The following IL19 variants were observed in gnomAD, a reference collection of about 807,000 sequenced individuals.
The protein encoded by IL19 is interleukin-19.
IL19 carries 15 observed loss-of-function variants against 19.5 expected under a neutral mutation model. The observed-to-expected ratio is 0.77, with a 90% CI of 0.52 to 1.19. The LOEUF is 1.19. Among genes scored for constraint, IL19 ranks in the 50% most tolerant of loss-of-function variants. The probability of loss-of-function intolerance (pLI) is 0.00; values close to 1 mark genes in which losing one functional copy is unlikely to be tolerated. For synonymous variants in IL19, 78 were observed against 78.3 expected (o/e 1.00, Z 0.02); for missense variants, 199 against 213.1 (o/e 0.93, Z 0.41).
chr1:206,789,677 C>A (rs1436926365), intron 1 of IL19, among the ~76,000 whole-genome samples: 1 of 152,116 alleles, frequency 6.6e-6, no homozygotes, highest in Non-Finnish European at 1.5e-5. Context: ...TTACTAATAA[C>A]TAATGGGTAT....
chr1:206,836,931 T>C, intron 3 of IL19, 27 bp from the exon 4 acceptor site: 1 of 1,609,102 alleles, frequency 6.2e-7, no homozygotes, highest in Non-Finnish European at 8.5e-7. Flanking sequence ...CGATTGCTTA[T>C]GTCTGTTCTT....
chr1:206,771,241 C>T, intron 1 of IL19, 163 bp downstream of exon 1: 2 of 1,176,998 alleles, frequency 1.7e-6, no homozygotes, highest in Admixed American at 1.7e-5. Flanking sequence ...AACATCTTCC[C>T]ACTTCTCCTT....
chr1:206,837,002 GGAGACTCTGCAGA>G lies in IL19; in HGVS notation c.190_202del (p.Glu64SerfsTer5). ...CAAATGTCACTATCCTGTCCACATT[GGAGACTCTGCAGA>G]TCATTAAGGTATTGGCCTGTGTCTG... is the stretch of plus-strand genomic sequence containing the variant. On this transcript the variant is annotated frameshift_variant, in exon 4 of 7. Coordinates refer to ENST00000659997, the MANE Select transcript of IL19 (RefSeq NM_153758.5). LOFTEE classifies it high-confidence loss of function. The G allele has an allele frequency of 6.2e-7, 1 of 1,613,670 alleles. No individual in the cohort carries two copies. The highest frequency in any genetic ancestry group is 8.5e-7 in the Non-Finnish European group (1 of 1,179,638).
intron 2 of IL19, among the ~76,000 whole-genome samples, chr1:206,810,520 G>C (rs1675977023): frequency 6.6e-6 from 1 of 152,220 alleles, no homozygotes; most frequent in Non-Finnish European, 1.5e-5. Context: ...GAAACACATT[G>C]ACGAAGGTAG....
At chr1:206,822,004 T>C (rs931721453) in intron 2 of IL19, among the ~76,000 whole-genome samples, 4 of 152,346 alleles carry the variant, frequency 2.6e-5, no homozygotes, top group Admixed American at 2.0e-4. Flanking sequence ...TCTCTCGTCA[T>C]GTCCGTGCCC....
intron 2 of IL19, among the ~76,000 whole-genome samples, chr1:206,823,767 G>A (rs978803014): frequency 6.7e-6 from 1 of 149,294 alleles, no homozygotes. Flanking sequence ...TGGAGGTGAG[G>A]AGCCATCACT....
chr1:206,819,951 T>A (rs1676251809), intron 2 of IL19, among the ~76,000 whole-genome samples: 1 of 152,198 alleles, frequency 6.6e-6, no homozygotes, highest in Non-Finnish European at 1.5e-5. Flanking sequence ...CCCCAAAGCC[T>A]AAGTTCTTAT....
intron 2 of IL19, among the ~76,000 whole-genome samples, chr1:206,832,785 C>T (rs189320120): frequency 3.9e-5 from 6 of 152,314 alleles, no homozygotes; most frequent in East Asian, 3.9e-4. Flanking sequence ...TCCAGAACTA[C>T]GTTGTGAACC....
intron 2 of IL19, among the ~76,000 whole-genome samples, chr1:206,836,297 T>C (rs1433155781): frequency 6.6e-6 from 1 of 152,230 alleles, no homozygotes; most frequent in Admixed American, 6.5e-5. Context: ...ACCCTGCTTT[T>C]CCTATTTAAT....
intron 1 of IL19, 22 bp from the exon 2 acceptor site, chr1:206,798,839 C>G: frequency 7.6e-7 from 1 of 1,314,458 alleles, no homozygotes; most frequent in Non-Finnish European, 1.1e-6. Flanking sequence ...GTAATGATGA[C>G]TCTCTATGAT....
At chr1:206,784,808 C>A (rs959034898) in intron 1 of IL19, among the ~76,000 whole-genome samples, 1 of 152,266 alleles carries the variant, frequency 6.6e-6, no homozygotes, top group African/African-American at 2.4e-5. Flanking sequence ...CGTTCTCAAG[C>A]AATTATCTGC....
intron 2 of IL19, among the ~76,000 whole-genome samples, chr1:206,803,184 T>C (rs1428097520): frequency 6.6e-6 from 1 of 152,166 alleles, no homozygotes; most frequent in Non-Finnish European, 1.5e-5. Context: ...AGTCTACACA[T>C]TGAGGGCCTT....
intron 2 of IL19, among the ~76,000 whole-genome samples, chr1:206,808,696 C>A (rs74151403): frequency 6.6e-6 from 1 of 152,042 alleles, no homozygotes; most frequent in Non-Finnish European, 1.5e-5. Context: ...GAAAGTGTTG[C>A]CATGAGGACA....
intron 2 of IL19, among the ~76,000 whole-genome samples, chr1:206,801,351 T>C (rs1363632456): frequency 6.6e-6 from 1 of 152,182 alleles, no homozygotes; most frequent in Non-Finnish European, 1.5e-5. Flanking sequence ...ACTGTCCTCA[T>C]GTGCCTGGAG....
intron 1 of IL19, among the ~76,000 whole-genome samples, chr1:206,785,383 A>G (rs1377888408): frequency 1.3e-5 from 2 of 152,182 alleles, no homozygotes; most frequent in African/African-American, 4.8e-5. Context: ...TTACGAAATC[A>G]CCAGCAACTT....
chr1:206,808,426 A>G (rs555791277), intron 2 of IL19, among the ~76,000 whole-genome samples: 5 of 152,300 alleles, frequency 3.3e-5, no homozygotes, highest in African/African-American at 1.2e-4. Context: ...CCGTGCATGT[A>G]GAGTGACTGT....
intron 2 of IL19, chr1:206,833,565 T>C: frequency 1.6e-6 from 1 of 618,148 alleles, no homozygotes; most frequent in Non-Finnish European, 2.0e-6. Context: ...ACCCTATCTT[T>C]TCATTGCCCC....
chr1:206,802,174 A>T (rs764204351), intron 2 of IL19, among the ~76,000 whole-genome samples: 1 of 152,124 alleles, frequency 6.6e-6, no homozygotes, highest in Non-Finnish European at 1.5e-5. Context: ...GAGGCCCAGG[A>T]AGGAAGGTCA....
chr1:206,798,401 G>A (rs1253013050), intron 1 of IL19, among the ~76,000 whole-genome samples: 1 of 152,106 alleles, frequency 6.6e-6, no homozygotes, highest in Non-Finnish European at 1.5e-5. Flanking sequence ...GTATAGAAAT[G>A]ACAAGGACAG....
Sources: gnomAD v4.1 joint callset for allele counts (sites outside exome capture counted in the v4.1 genomes callset) on GRCh38, gnomAD v4.1.1 for gene constraint, MANE v1.5 for transcripts, NCBI Gene and HGNC (gene_info 2026-07-23, HGNC 2026-07-21) for gene names.